ARMH3: variants seen among roughly 807,000 people sequenced by gnomAD.
ARMH3 encodes the protein armadillo-like helical domain-containing protein 3.
A neutral mutation model predicts 99.1 loss-of-function variants in ARMH3; 60 were observed. The observed-to-expected ratio is 0.61, with a 90% CI of 0.49 to 0.75. ARMH3 has a LOEUF of 0.75. Ranked by LOEUF, ARMH3 falls within the 30% of genes least tolerant of loss-of-function variation. The pLI is 0.00. For synonymous variants in ARMH3, 285 were observed against 292.8 expected (o/e 0.97, Z 0.27); for missense variants, 679 against 843.1 (o/e 0.81, Z 2.41).
chr10:101,976,948 C>A (rs545856257), intron 19 of ARMH3, among the ~76,000 whole-genome samples: 64 of 152,294 alleles, frequency 4.2e-4, no homozygotes, highest in African/African-American at 1.4e-3. Flanking sequence ...CCACCATGCT[C>A]AGCCAGAAGT....
At chr10:101,987,127 T>G (rs549789613) in intron 19 of ARMH3, among the ~76,000 whole-genome samples, 8 of 152,160 alleles carry the variant, frequency 5.3e-5, no homozygotes, top group Non-Finnish European at 1.2e-4. Context: ...AATCTTATCA[T>G]ATCAGCCCCA....
intron 1 of ARMH3, among the ~76,000 whole-genome samples, chr10:102,053,333 A>ATT (rs2067755716): frequency 6.6e-6 from 1 of 150,996 alleles, no homozygotes; most frequent in Non-Finnish European, 1.5e-5. Flanking sequence ...AATTTCTGAG[A>ATT]TTTAAAATAA....
chr10:101,987,300 T>C (rs1846556168), intron 19 of ARMH3, among the ~76,000 whole-genome samples: 1 of 152,182 alleles, frequency 6.6e-6, no homozygotes, highest in East Asian at 1.9e-4. Flanking sequence ...GCTGGTCCCC[T>C]ACGTGGTATG....
intron 1 of ARMH3, among the ~76,000 whole-genome samples, chr10:102,042,300 G>A (rs2067442690): frequency 6.6e-6 from 1 of 152,186 alleles, no homozygotes; most frequent in Admixed American, 6.5e-5. Flanking sequence ...CAGGAAGAGT[G>A]GGAACCACAA....
intron 1 of ARMH3, among the ~76,000 whole-genome samples, chr10:102,050,401 T>C (rs1487298623): frequency 1.3e-5 from 2 of 151,970 alleles, no homozygotes; most frequent in Non-Finnish European, 2.9e-5. Flanking sequence ...TAAGCCGAGA[T>C]CGCGCCACTG....
intron 24 of ARMH3, among the ~76,000 whole-genome samples, chr10:101,867,650 T>C (rs1420604813): frequency 7.2e-5 from 11 of 151,964 alleles, no homozygotes; most frequent in East Asian, 3.9e-4. Flanking sequence ...CTGGGCAACA[T>C]AGTGAGACCC....
chr10:101,922,408 G>A (rs1418982376), intron 23 of ARMH3, among the ~76,000 whole-genome samples: 1 of 152,012 alleles, frequency 6.6e-6, no homozygotes, highest in Non-Finnish European at 1.5e-5. Flanking sequence ...ACTATACCCA[G>A]CTAATTTTTT....
At chr10:102,033,457 G>T in intron 2 of ARMH3, 118 bp from the exon 3 acceptor site, 1 of 1,130,944 alleles carries the variant, frequency 8.8e-7, no homozygotes, top group Non-Finnish European at 1.2e-6. Flanking sequence ...TCTCGCTGTC[G>T]CCCAGGCTGG....
chr10:102,032,511 C>T (rs1238825013), intron 4 of ARMH3, among the ~76,000 whole-genome samples: 2 of 152,166 alleles, frequency 1.3e-5, no homozygotes, highest in Non-Finnish European at 2.9e-5. Context: ...AGCAATTCTC[C>T]TGCCTCAACC....
At chr10:101,981,471 T>C (rs904600068) in intron 19 of ARMH3, among the ~76,000 whole-genome samples, 3 of 151,834 alleles carry the variant, frequency 2.0e-5, no homozygotes, top group Admixed American at 2.0e-4. Flanking sequence ...AATAAATAAA[T>C]AAACAAAATG....
chr10:101,906,626 T>C (rs1842647467), intron 23 of ARMH3, among the ~76,000 whole-genome samples: 1 of 152,166 alleles, frequency 6.6e-6, no homozygotes, highest in Admixed American at 6.5e-5. Context: ...GTAACTGAGA[T>C]TTCTACTTTA....
intron 22 of ARMH3, among the ~76,000 whole-genome samples, chr10:101,953,775 G>C (rs1190873739): frequency 2.6e-5 from 4 of 152,062 alleles, no homozygotes; most frequent in African/African-American, 9.7e-5. Context: ...ATGCATTGCT[G>C]GAGAGAATGT....
intron 22 of ARMH3, among the ~76,000 whole-genome samples, chr10:101,944,263 TATATATATATAGAGAGAGAGAG>T (rs1269946377): frequency 1.2e-4 from 8 of 64,144 alleles, no homozygotes; most frequent in East Asian, 1.0e-3. Flanking sequence ...TATATATATA[TATATATATATAGAGAGAGAGAG>T]AGAGAGAGAG....
chr10:102,000,006 C>A (rs1395193045), intron 15 of ARMH3, among the ~76,000 whole-genome samples: 1 of 152,100 alleles, frequency 6.6e-6, no homozygotes, highest in Non-Finnish European at 1.5e-5. Context: ...TGGCTTGAAC[C>A]TAGGAGGCGG....
chr10:101,943,279 G>A (rs146798622), intron 22 of ARMH3, among the ~76,000 whole-genome samples: 7 of 152,282 alleles, frequency 4.6e-5, no homozygotes, highest in African/African-American at 1.7e-4. Flanking sequence ...ACCCAAGGCC[G>A]AGGGCGAAGA....
At chr10:101,962,687 C>T (rs761080979) in intron 20 of ARMH3, among the ~76,000 whole-genome samples, 2 of 152,150 alleles carry the variant, frequency 1.3e-5, no homozygotes, top group African/African-American at 2.4e-5. Flanking sequence ...AAATAAATTA[C>T]CCAAAGCCAA....
chr10:101,880,958 C>A (rs1325615919), intron 24 of ARMH3, among the ~76,000 whole-genome samples: 1 of 152,084 alleles, frequency 6.6e-6, no homozygotes, highest in Non-Finnish European at 1.5e-5. Context: ...CTCTTAGGAT[C>A]AGGAGAAGAC....
chr10:101,854,062 G>A (rs1454427273), intron 24 of ARMH3, among the ~76,000 whole-genome samples: 4 of 151,576 alleles, frequency 2.6e-5, no homozygotes, highest in African/African-American at 7.3e-5. Flanking sequence ...GCAGTGAGCC[G>A]AGATCACACC....
chr10:101,877,420 G>C (rs565078000), intron 24 of ARMH3, among the ~76,000 whole-genome samples: 1 of 152,268 alleles, frequency 6.6e-6, no homozygotes, highest in African/African-American at 2.4e-5. Context: ...CCAACACTTT[G>C]GGAGGCCGAG....
Sources: allele counts gnomAD v4.1 joint callset (sites outside exome capture counted in the v4.1 genomes callset), GRCh38; gene constraint gnomAD v4.1.1; transcripts MANE v1.5; gene names NCBI Gene and HGNC (gene_info 2026-07-23, HGNC 2026-07-21).